The following HAO2 variants were observed in gnomAD, a reference collection of about 807,000 sequenced individuals.
HAO2 encodes the protein 2-Hydroxyacid oxidase 2.
In HAO2, 42 loss-of-function variants were observed where a neutral mutation model predicts 37.4. The ratio of observed to expected loss-of-function variants is 1.12; its 90% CI spans 0.88 to 1.45. The LOEUF (loss-of-function observed/expected upper bound fraction) is 1.45, where lower values mean the gene tolerates loss of function less well. Among genes scored for constraint, HAO2 ranks in the 40% most tolerant of loss-of-function variants. The pLI is 0.00. For missense variants in HAO2, 476 were observed against 430.2 expected (o/e 1.11, Z -0.94); for synonymous variants, 180 against 162.8 (o/e 1.11, Z -0.81).
intron 1 of HAO2, among the ~76,000 whole-genome samples, chr1:119,376,344 C>T (rs1335505518): frequency 6.6e-6 from 1 of 152,212 alleles, no homozygotes; most frequent in East Asian, 1.9e-4. Context: ...CACACTGATG[C>T]AAGAGGTGGG....
At chr1:119,391,634 C>A (rs1650911508) in intron 5 of HAO2, among the ~76,000 whole-genome samples, 1 of 152,154 alleles carries the variant, frequency 6.6e-6, no homozygotes, top group Non-Finnish European at 1.5e-5. Flanking sequence ...AACCCAGTTT[C>A]CCAAGTCAGG....
chr1:119,380,087 G>T (rs1258682910), intron 1 of HAO2, among the ~76,000 whole-genome samples: 1 of 152,208 alleles, frequency 6.6e-6, no homozygotes, highest in Non-Finnish European at 1.5e-5. Context: ...CTGCCTGGGA[G>T]TTGGCTGGAG....
rs147422738 is a variant in HAO2 at position 119,390,860 on chromosome 1, C to A, written c.772-1250C>A. ...CTTTTATAGCACTGGCAACAACCTGCAGGGAGTGGGACACTGACCTCAGGC... is the reference window on the plus strand; with the variant it reads ...CTTTTATAGCACTGGCAACAACCTGAAGGGAGTGGGACACTGACCTCAGGC... On this transcript the variant is annotated intron_variant, in intron 5 of 7. Transcript: ENST00000325945. 1.2e-3 allele frequency among the ~76,000 whole-genome samples: 190 copies of A among 152,220 alleles called. 2 individuals carry two copies. The Middle Eastern group carries it at 0.017, about 14-fold the overall frequency.
At chr1:119,378,575 G>A (rs763574564) in intron 1 of HAO2, among the ~76,000 whole-genome samples, 8 of 152,166 alleles carry the variant, frequency 5.3e-5, no homozygotes, top group East Asian at 3.8e-4. Context: ...AAGAGGTATC[G>A]AAATGAGATA....
chr1:119,392,611 G>T lies in HAO2; in HGVS notation c.931-7G>T, dbSNP rs775902049. 1 of 1,594,176 alleles carries T rather than the reference G, an allele frequency of 6.3e-7. No homozygotes were observed. Among genetic ancestry groups the T allele is most frequent in the Admixed American group, 1.7e-5 (1 of 59,970 alleles). On this transcript the variant is annotated splice_region_variant and splice_polypyrimidine_tract_variant and intron_variant, in intron 6 of 7. Transcript: ENST00000325945. Reference sequence around the variant, plus strand: ...TTTGTGTCTCTGTCTGTCTGCCTCGGGAGCAGGGTGAACATGGTGTTAAGG... The same window carrying T: ...TTTGTGTCTCTGTCTGTCTGCCTCGTGAGCAGGGTGAACATGGTGTTAAGG...
intron 1 of HAO2, among the ~76,000 whole-genome samples, chr1:119,374,778 A>C (rs1393718644): frequency 3.3e-5 from 5 of 152,346 alleles, no homozygotes; most frequent in Non-Finnish European, 4.4e-5. Flanking sequence ...AAATCTTCAA[A>C]GGAAGACAAC....
Position 119,392,107 on chromosome 1 carries a change from C to A in HAO2, c.772-3C>A, listed in dbSNP as rs1341102010. On this transcript the variant is annotated splice_polypyrimidine_tract_variant and splice_region_variant and intron_variant, in intron 5 of 7. Transcript: ENST00000325945. The stretch of plus-strand genomic sequence containing the variant: ...CTCCAGCCCATGTGTATCTCCTTTT[C>A]AGATTGATGCTTTGACAGAAGTGGT... The A allele has an allele frequency of 6.2e-7, 1 of 1,610,878 alleles. No individual in the cohort carries two copies. The highest frequency in any genetic ancestry group is 8.5e-7 in the Non-Finnish European group (1 of 1,178,322).
At chr1:119,369,759 A>G (rs1462026084) in intron 1 of HAO2, among the ~76,000 whole-genome samples, 1 of 151,958 alleles carries the variant, frequency 6.6e-6, no homozygotes, top group Admixed American at 6.6e-5. Context: ...TTCCCAGGTA[A>G]CTCTCCCCTC....
At chr1:119,385,416 A>G in intron 4 of HAO2, 1 of 927,740 alleles carries the variant, frequency 1.1e-6, no homozygotes, top group African/African-American at 1.8e-5. Flanking sequence ...ACACACTCAG[A>G]AAATGCTAAT....
chr1:119,392,743 G>A, intron 7 of HAO2, 56 bp downstream of exon 7: 1 of 1,042,190 alleles, frequency 9.6e-7, no homozygotes, highest in Non-Finnish European at 1.5e-6. Context: ...CTAAAGAATA[G>A]GAGCAGCAGT....
chr1:119,381,366 T>G, intron 2 of HAO2, 150 bp downstream of exon 2: 1 of 677,110 alleles, frequency 1.5e-6, no homozygotes, highest in South Asian at 1.8e-5. Flanking sequence ...TTTGGTTTGT[T>G]AGGGCAGGGG....
Position 119,368,857 on chromosome 1 carries a change from C to G in HAO2, c.-54C>G, listed in dbSNP as rs868119916. ...CAGTGAGCCAGGCTTTGAGTGGCTG[C>G]GTCTAAACACTTCTTTCCCTGAGGA... On this transcript the variant is annotated 5_prime_UTR_variant, in exon 1 of 8. Transcript: ENST00000325945. 6.6e-6 allele frequency: 1 copy of G among 152,170 alleles called. No homozygotes were observed. Among genetic ancestry groups the G allele is most frequent in the Non-Finnish European group, 1.5e-5 (1 of 68,054 alleles). The allele number at this position is 152,170 out of a possible 1,614,324, so 9.4% of individuals were successfully genotyped here. A position where few individuals can be genotyped will look rare whatever the true frequency, so the allele number is the denominator to read the frequency against.
chr1:119,369,625 C>G (rs770942760), intron 1 of HAO2, among the ~76,000 whole-genome samples: 2 of 152,170 alleles, frequency 1.3e-5, no homozygotes, highest in Non-Finnish European at 2.9e-5. Flanking sequence ...CTCACAAGAT[C>G]CCTATGAGAT....
intron 5 of HAO2, among the ~76,000 whole-genome samples, chr1:119,388,283 C>G (rs1418098900): frequency 6.6e-6 from 1 of 152,130 alleles, no homozygotes; most frequent in African/African-American, 2.4e-5. Flanking sequence ...CAACAAGCAG[C>G]AAACAGTAGA....
intron 7 of HAO2, among the ~76,000 whole-genome samples, chr1:119,393,326 A>G (rs587598029): frequency 3.0e-4 from 45 of 152,230 alleles, no homozygotes; most frequent in African/African-American, 1.1e-3. Flanking sequence ...TTACATATTA[A>G]TTAATATCTT....
chr1:119,385,089 C>T (rs375883781), intron 4 of HAO2, 36 bp downstream of exon 4: 1 of 1,588,286 alleles, frequency 6.3e-7, no homozygotes, highest in Non-Finnish European at 8.6e-7. Flanking sequence ...ACAGGCATTA[C>T]AAGAGGCAAA....
At chr1:119,391,721 C>G (rs1650918728) in intron 5 of HAO2, among the ~76,000 whole-genome samples, 3 of 151,972 alleles carry the variant, frequency 2.0e-5, no homozygotes, top group South Asian at 4.2e-4. Context: ...CAGTGGAGAG[C>G]CTTTCTAGTT....
chr1:119,394,032 T>C lies in HAO2; in HGVS notation c.*192T>C. On this transcript the variant is annotated 3_prime_UTR_variant, in exon 8 of 8. Transcript: ENST00000325945. Reference sequence around the variant, plus strand: ...ACCCCTGTGTTCCCCAAATGTTCCATGCCCTTCTTTGTATCACTGACTATT... The same window carrying C: ...ACCCCTGTGTTCCCCAAATGTTCCACGCCCTTCTTTGTATCACTGACTATT... The C allele has an allele frequency of 1.4e-6, 2 of 1,400,852 alleles. No individual in the cohort carries two copies. The highest frequency in any genetic ancestry group is 1.9e-6 in the Non-Finnish European group (2 of 1,072,760). The allele number at this position is 1,400,852 out of a possible 1,614,324, so 86.8% of individuals were successfully genotyped here.
At chr1:119,384,144 G>A (rs140833403) in intron 3 of HAO2, among the ~76,000 whole-genome samples, 161 of 152,210 alleles carry the variant, frequency 1.1e-3, no homozygotes, top group African/African-American at 3.5e-3. Context: ...CCATATGAAC[G>A]TCATCACCAT....
Sources: gnomAD v4.1 joint callset for allele counts (sites outside exome capture counted in the v4.1 genomes callset) on GRCh38, gnomAD v4.1.1 for gene constraint, MANE v1.5 for transcripts, NCBI Gene and HGNC (gene_info 2026-07-23, HGNC 2026-07-21) for gene names.